CCSER1: variants seen among roughly 807,000 people sequenced by gnomAD.
CCSER1 encodes coiled-coil serine rich protein 1.
Under a neutral mutation model 82.0 loss-of-function variants are expected in CCSER1, and 41 were observed. The ratio of observed to expected loss-of-function variants is 0.50; its 90% CI spans 0.39 to 0.65. The LOEUF is 0.65. CCSER1 is among the 30% of genes least tolerant of loss of function. The probability of loss-of-function intolerance (pLI) is 0.00; values close to 1 mark genes in which losing one functional copy is unlikely to be tolerated. For missense variants in CCSER1, 1,119 were observed against 1,064.2 expected (o/e 1.05, Z -0.72); for synonymous variants, 414 against 383.9 (o/e 1.08, Z -0.92).
chr4:90,356,801 A>T (rs1011659886), intron 3 of CCSER1, among the ~76,000 whole-genome samples: 3 of 151,874 alleles, frequency 2.0e-5, no homozygotes, highest in African/African-American at 7.2e-5. Context: ...ACGGCAATTT[A>T]GATAGTATCT....
In CCSER1 at chr4:90,465,963, A is replaced by G. The variant is rs372284417; in HGVS notation, c.1604-2271A>G. On this transcript the variant is annotated intron_variant, in intron 4 of 10. Coordinates refer to ENST00000509176, the MANE Select transcript of CCSER1 (RefSeq NM_001145065.2). Reference sequence around the variant, plus strand: ...ATATACAGTATATATATTCAATTTCATTCATTATCAGGAATATATAAATTG... The same window carrying G: ...ATATACAGTATATATATTCAATTTCGTTCATTATCAGGAATATATAAATTG... Among the ~76,000 whole-genome samples the G allele has an allele frequency of 1.3e-4, 20 of 152,308 alleles. No homozygotes were observed. The East Asian group carries it at 3.9e-3, about 29-fold the overall frequency.
intron 9 of CCSER1, among the ~76,000 whole-genome samples, chr4:91,028,717 A>G (rs1210968793): frequency 2.0e-5 from 3 of 151,934 alleles, no homozygotes; most frequent in African/African-American, 7.2e-5. Context: ...TCCAGAAAAA[A>G]AAAAATTAAT....
In CCSER1 at chr4:91,036,416, G is replaced by T. The variant is rs185869393; in HGVS notation, c.2173-49534G>T. 9.6e-3 allele frequency among the ~76,000 whole-genome samples: 1,460 copies of T among 152,086 alleles called. 38 individuals carry two copies. The highest frequency in any genetic ancestry group is 0.034 in the African/African-American group (1,404 of 41,482). On this transcript the variant is annotated intron_variant, in intron 9 of 10. Transcript: ENST00000509176. ...TTGATATTCTGCTCAATATCTTAAA[G>T]ATATATTAAAGTCAATGTGTCCAAA...
intron 1 of CCSER1, among the ~76,000 whole-genome samples, chr4:90,141,155 G>A (rs1348190031): frequency 6.6e-6 from 1 of 152,088 alleles, no homozygotes; most frequent in African/African-American, 2.4e-5. Context: ...AACTCAGGCA[G>A]GATTTTTATA....
Position 90,732,056 on chromosome 4 carries a change from T to TCTCTCTCTCTCTCA in CCSER1, c.2010+8070_2010+8071insTCTCTCTCACTCTC, listed in dbSNP as rs761678318. Among the ~76,000 whole-genome samples, 806 of 144,682 alleles carry TCTCTCTCTCTCTCA rather than the reference T, an allele frequency of 5.6e-3. 3 individuals carry two copies. The highest frequency in any genetic ancestry group is 0.012 in the African/African-American group (472 of 40,034). 94.9% of individuals were successfully genotyped at this position (144,682 alleles called of 152,430 possible). Reference sequence around the variant, plus strand: ...CTCTCTCTCTCTCTCTCTCTCTCTCTCTCTCACTGCTCTATTCTACTTCTG... The same window carrying TCTCTCTCTCTCTCA: ...CTCTCTCTCTCTCTCTCTCTCTCTCTCTCTCTCTCTCTCACTCTCACTGCTCTATTCTACTTCTG... On this transcript the variant is annotated intron_variant, in intron 7 of 10. Transcript: ENST00000509176.
intron 4 of CCSER1, among the ~76,000 whole-genome samples, chr4:90,419,729 C>T (rs1756401879): frequency 6.6e-6 from 1 of 151,766 alleles, no homozygotes; most frequent in South Asian, 2.1e-4. Flanking sequence ...AGTTCTTAAT[C>T]ATCAAGAAAA....
At chr4:91,497,172 C>T (rs1277054071) in intron 10 of CCSER1, among the ~76,000 whole-genome samples, 1 of 151,184 alleles carries the variant, frequency 6.6e-6, no homozygotes, top group Non-Finnish European at 1.5e-5. Context: ...TTTCTTAACC[C>T]CTTTGAGGCC....
intron 3 of CCSER1, among the ~76,000 whole-genome samples, chr4:90,326,944 C>A (rs1240353628): frequency 6.6e-6 from 1 of 152,142 alleles, no homozygotes; most frequent in African/African-American, 2.4e-5. Context: ...TTTCAGGGAA[C>A]CATAGCCTAT....
intron 10 of CCSER1, among the ~76,000 whole-genome samples, chr4:91,113,851 T>G (rs1249146213): frequency 2.5e-5 from 1 of 40,242 alleles, no homozygotes; most frequent in Non-Finnish European, 5.5e-5. Flanking sequence ...GATATCTACA[T>G]TTTTTTTTTT....
intron 10 of CCSER1, among the ~76,000 whole-genome samples, chr4:91,541,985 T>C (rs1027287462): frequency 6.6e-6 from 1 of 152,238 alleles, no homozygotes; most frequent in African/African-American, 2.4e-5. Flanking sequence ...CCAGCGATGA[T>C]GAGCATTTTT....
intron 6 of CCSER1, among the ~76,000 whole-genome samples, chr4:90,695,004 T>A (rs796114024): frequency 6.0e-5 from 9 of 150,584 alleles, no homozygotes; most frequent in African/African-American, 2.2e-4. Flanking sequence ...TCTTTTGCTT[T>A]CAGAAGGCAT....
intron 10 of CCSER1, among the ~76,000 whole-genome samples, chr4:91,092,044 T>C (rs926863510): frequency 6.6e-6 from 1 of 152,162 alleles, no homozygotes; most frequent in African/African-American, 2.4e-5. Context: ...TATCCTGTTT[T>C]CTTAGAGGGG....
chr4:91,351,765 AT>A (rs111700401), intron 10 of CCSER1, among the ~76,000 whole-genome samples: 3,048 of 151,664 alleles, frequency 0.02, 91 homozygotes, highest in African/African-American at 0.067. Context: ...AAATGTTATG[AT>A]TTTTTTTTAA....
intron 8 of CCSER1, among the ~76,000 whole-genome samples, chr4:90,819,720 A>G (rs564091146): frequency 1.4e-3 from 216 of 152,324 alleles, no homozygotes; most frequent in African/African-American, 4.9e-3. Context: ...TAAAAAGAAA[A>G]CAATAAGCTG....
At chr4:91,140,638 A>C (rs2148928454) in intron 10 of CCSER1, among the ~76,000 whole-genome samples, 1 of 152,248 alleles carries the variant, frequency 6.6e-6, no homozygotes, top group African/African-American at 2.4e-5. Flanking sequence ...AAAATTAATT[A>C]CTCAGCTGGA....
chr4:91,117,583 G>A (rs1726729180), intron 10 of CCSER1, among the ~76,000 whole-genome samples: 1 of 152,200 alleles, frequency 6.6e-6, no homozygotes, highest in African/African-American at 2.4e-5. Context: ...TTTTAAAAAT[G>A]TATTAGTGAT....
chr4:90,337,208 A>G (rs1405381406), intron 3 of CCSER1, among the ~76,000 whole-genome samples: 1 of 152,242 alleles, frequency 6.6e-6, no homozygotes, highest in Non-Finnish European at 1.5e-5. Flanking sequence ...CAGGGCCTCA[A>G]CTGATCATAT....
intron 4 of CCSER1, among the ~76,000 whole-genome samples, chr4:90,445,371 C>T (rs1443501889): frequency 2.0e-5 from 3 of 151,996 alleles, no homozygotes; most frequent in African/African-American, 7.2e-5. Context: ...AATGGTATTT[C>T]AACAAATACT....
In CCSER1 at chr4:91,074,017, G is replaced by A. The variant is rs116179785; in HGVS notation, c.2173-11933G>A. ...ATGATGCTGCCATATAATAAATGTG[G>A]CAGTGAAAAGCAAGCAGGCCAGAAG... On this transcript the variant is annotated intron_variant, in intron 9 of 10. Coordinates refer to ENST00000509176, the MANE Select transcript of CCSER1 (RefSeq NM_001145065.2). Among the ~76,000 whole-genome samples the A allele has an allele frequency of 7.9e-3, 1,205 of 152,220 alleles. 16 individuals carry two copies. The highest frequency in any genetic ancestry group is 0.026 in the African/African-American group (1,080 of 41,546).
Sources: allele counts gnomAD v4.1 joint callset (sites outside exome capture counted in the v4.1 genomes callset), GRCh38; gene constraint gnomAD v4.1.1; transcripts MANE v1.5; gene names NCBI Gene and HGNC (gene_info 2026-07-23, HGNC 2026-07-21).